Variants in GDF3 observed in about 807,000 individuals in gnomAD.
GDF3 encodes growth differentiation factor 3.
In GDF3, 10 loss-of-function variants were observed where a neutral mutation model predicts 10.2. That is an observed-to-expected ratio of 0.98 (90% CI 0.60 to 1.66). The LOEUF is 1.66. Ranked by LOEUF, GDF3 falls within the 40% of genes most tolerant of loss-of-function variation. GDF3 has a pLI of 0.00. For synonymous variants in GDF3, 166 were observed against 178.5 expected, an observed-to-expected ratio of 0.93 and a Z score of 0.56; for missense variants, 450 against 438.3, an observed-to-expected ratio of 1.03 and a Z score of -0.24.
intron 1 of GDF3, among the ~76,000 whole-genome samples, chr12:7,695,246 T>C (rs186522844): frequency 4.0e-4 from 61 of 152,314 alleles, no homozygotes; most frequent in Non-Finnish European, 7.5e-4. Flanking sequence ...TTGAATAGAT[T>C]ACAGGTTACC....
chr12:7,690,009 G>A lies in GDF3; in HGVS notation c.964C>T (p.Pro322Ser). ...FMQALMHAVDPEIPQAVCIPT... is the reference protein window; with the variant it reads ...FMQALMHAVDSEIPQAVCIPT... The stretch of plus-strand genomic sequence containing the variant: ...ATACACACAGCCTGGGGGATCTCTG[G>A]GTCAACGGCATGCATCAGGGCTTGC... Residue 322 changes from proline (P) to serine (S), a missense_variant, in exon 2 of 2, where the codon CCA becomes TCA. Pro to Ser is a moderately conservative substitution (Grantham distance 74). Coordinates refer to ENST00000329913, the MANE Select transcript of GDF3 (RefSeq NM_020634.3). 1 of 1,613,950 alleles carries A rather than the reference G, an allele frequency of 6.2e-7. No individual in the cohort carries two copies. Among genetic ancestry groups the A allele is most frequent in the Non-Finnish European group, 8.5e-7 (1 of 1,179,892 alleles).
At chr12:7,692,228 G>T (rs2136877167) in intron 1 of GDF3, among the ~76,000 whole-genome samples, 1 of 151,796 alleles carries the variant, frequency 6.6e-6, no homozygotes, top group Non-Finnish European at 1.5e-5. Flanking sequence ...GAGGTCAGGA[G>T]ACCAGACTGA....
chr12:7,690,481 A>C lies in GDF3; in HGVS notation c.492T>G (p.Gly164=). Residue 164 remains glycine, a synonymous_variant, in exon 2 of 2, where the codon GGT becomes GGG. Coordinates refer to ENST00000329913, the MANE Select transcript of GDF3 (RefSeq NM_020634.3). ...HVWGQTTPKP[G]KMFVLRSVPW... ...GGACTGACCGCAACACAAACATTTT[A>C]CCTGGCTTAGGGGTGGTCTGGCCCC... The C allele has an allele frequency of 1.2e-6, 2 of 1,614,118 alleles. No homozygotes were observed. Among genetic ancestry groups the C allele is most frequent in the Non-Finnish European group, 1.7e-6 (2 of 1,179,980 alleles).
chr12:7,693,609 C>T (rs574494798), intron 1 of GDF3, among the ~76,000 whole-genome samples: 9 of 151,634 alleles, frequency 5.9e-5, no homozygotes, highest in Non-Finnish European at 1.3e-4. Context: ...CACTCTTAAG[C>T]ACCCCACCAC....
chr12:7,693,068 C>T (rs1864148853), intron 1 of GDF3, among the ~76,000 whole-genome samples: 1 of 152,114 alleles, frequency 6.6e-6, no homozygotes, highest in African/African-American at 2.4e-5. Flanking sequence ...TTACCTATTC[C>T]TCTAGGAAAA....
chr12:7,690,809 GAAAGA>G, intron 1 of GDF3, 105 bp from the exon 2 acceptor site: 2 of 721,624 alleles, frequency 2.8e-6, no homozygotes, highest in South Asian at 3.3e-5. Flanking sequence ...TAAGGGCAGG[GAAAGA>G]CACAAGCCCT....
intron 1 of GDF3, among the ~76,000 whole-genome samples, chr12:7,691,735 T>C (rs190816823): frequency 0.029 from 4,336 of 149,472 alleles, 105 homozygotes; most frequent in Non-Finnish European, 0.044. Context: ...AAGCCAGGCG[T>C]GGTGGCTCAT....
rs368319454 is a variant in GDF3 at position 7,692,747 on chromosome 12, G to A, written c.269-2043C>T. Among the ~76,000 whole-genome samples the A allele has an allele frequency of 1.9e-3, 292 of 151,904 alleles. 3 individuals carry two copies. Among genetic ancestry groups the A allele is most frequent in the African/African-American group, 6.7e-3 (276 of 41,450 alleles). On this transcript the variant is annotated intron_variant, in intron 1 of 1. Transcript: ENST00000329913. ...TCAAACTCCTGACCTCAGGTGATCC[G>A]CCCACCTCGGCCTCCCAAAGTGTTG... is the stretch of plus-strand genomic sequence containing the variant.
chr12:7,694,608 T>C (rs1864163789), intron 1 of GDF3, among the ~76,000 whole-genome samples: 1 of 150,974 alleles, frequency 6.6e-6, no homozygotes, highest in Non-Finnish European at 1.5e-5. Flanking sequence ...CTTTATCTTG[T>C]ATTCTCAAGG....
In GDF3 at chr12:7,690,707, A is replaced by C; in HGVS notation, c.269-3T>G. On this transcript the variant is annotated splice_polypyrimidine_tract_variant and splice_region_variant and intron_variant, in intron 1 of 1. Coordinates refer to ENST00000329913, the MANE Select transcript of GDF3 (RefSeq NM_020634.3). ...TTTCTTTGGGTAAAGAAAGAAACCT[A>C]GATGGGAAAAGAGACATGTCAGAGT... is the stretch of plus-strand genomic sequence containing the variant. The C allele has an allele frequency of 6.6e-7, 1 of 1,516,342 alleles. No individual in the cohort carries two copies. The highest frequency in any genetic ancestry group is 2.3e-5 in the East Asian group (1 of 44,436). The allele number at this position is 1,516,342 out of a possible 1,614,324, so 93.9% of individuals were successfully genotyped here.
In GDF3 at chr12:7,695,454, T is replaced by C; in HGVS notation, c.268+7A>G. ...ATGTTTTTCTGGATAACACTCTATT[T>C]CCTTACCTTGGTCTGGGAGAAAGCG... On this transcript the variant is annotated splice_region_variant and intron_variant, in intron 1 of 1. Coordinates refer to ENST00000329913, the MANE Select transcript of GDF3 (RefSeq NM_020634.3). The C allele has an allele frequency of 6.2e-7, 1 of 1,613,696 alleles. No homozygotes were observed. Among genetic ancestry groups the C allele is most frequent in the Non-Finnish European group, 8.5e-7 (1 of 1,179,628 alleles).
chr12:7,691,782 C>T (rs182593041), intron 1 of GDF3, among the ~76,000 whole-genome samples: 2,793 of 140,832 alleles, frequency 0.02, 68 homozygotes, highest in African/African-American at 0.065. Context: ...CCGAGGCGGG[C>T]GGATCACGAG....
intron 1 of GDF3, among the ~76,000 whole-genome samples, chr12:7,692,195 A>G (rs1344991158): frequency 6.6e-6 from 1 of 151,994 alleles, no homozygotes; most frequent in Non-Finnish European, 1.5e-5. Flanking sequence ...GCACTTTGGG[A>G]GGCCAAGGCG....
intron 1 of GDF3, among the ~76,000 whole-genome samples, chr12:7,691,851 C>T (rs1424024491): frequency 6.6e-6 from 1 of 150,696 alleles, no homozygotes; most frequent in Non-Finnish European, 1.5e-5. Context: ...ACTAAAAATA[C>T]AAAAAATTAG....
Position 7,695,428 on chromosome 12 carries a change from G to C in GDF3, c.268+33C>G, listed in dbSNP as rs200665945. The C allele has an allele frequency of 2.7e-5, 44 of 1,602,028 alleles. No individual in the cohort carries two copies. The Middle Eastern group carries it at 8.3e-4, about 30-fold the overall frequency. The stretch of plus-strand genomic sequence containing the variant: ...CCTTTCTTCACACCACCCAGTTCCA[G>C]ATGTTTTTCTGGATAACACTCTATT... On this transcript the variant is annotated intron_variant, in intron 1 of 1. Transcript: ENST00000329913.
chr12:7,691,864 G>A (rs905266617), intron 1 of GDF3, among the ~76,000 whole-genome samples: 7 of 151,534 alleles, frequency 4.6e-5, no homozygotes, highest in Non-Finnish European at 7.4e-5. Context: ...AAAATTAGCC[G>A]GGCAAGGTGG....
At chr12:7,693,541 TAAG>T (rs1461684156) in intron 1 of GDF3, among the ~76,000 whole-genome samples, 3 of 150,530 alleles carry the variant, frequency 2.0e-5, no homozygotes, top group Admixed American at 6.7e-5. Context: ...CGCCCAGCCT[TAAG>T]TAGGTATTTT....
Position 7,690,679 on chromosome 12 carries a change from A to C in GDF3, c.294T>G (p.Ile98Met), listed in dbSNP as rs772208133. 4 of 1,612,412 alleles carry C rather than the reference A, an allele frequency of 2.5e-6. No homozygotes were observed. In the Admixed American group the frequency reaches 6.7e-5, roughly 27 times the overall value. ...DQGFFLYPKK[I>M]SQASSCLQKL... ...TCTGCAGGCAGGAGGAAGCTTGGGA[A>C]ATTTTCTTTGGGTAAAGAAAGAAAC... Residue 98 changes from isoleucine (I) to methionine (M), a missense_variant, in exon 2 of 2, where the codon ATT becomes ATG. By Grantham distance (10) the Ile-to-Met change is conservative. Coordinates refer to ENST00000329913, the MANE Select transcript of GDF3 (RefSeq NM_020634.3).
At position 7,693,075 on chromosome 12, in the gene GDF3, A is replaced by C. The variant is rs113126440; in HGVS notation, c.269-2371T>G. Among the ~76,000 whole-genome samples the C allele has an allele frequency of 4.6e-5, 7 of 152,276 alleles. 1 individual carries two copies. The highest frequency in any genetic ancestry group is 1.7e-4 in the African/African-American group (7 of 41,552). On this transcript the variant is annotated intron_variant, in intron 1 of 1. Coordinates refer to ENST00000329913, the MANE Select transcript of GDF3 (RefSeq NM_020634.3). ...TTCAAATTTTACCTATTCCTCTAGG[A>C]AAAGGCCCAATACAGTCTACTTTTA... is the stretch of plus-strand genomic sequence containing the variant.
Sources: allele counts gnomAD v4.1 joint callset (sites outside exome capture counted in the v4.1 genomes callset), GRCh38; gene constraint gnomAD v4.1.1; transcripts MANE v1.5; gene names NCBI Gene and HGNC (gene_info 2026-07-23, HGNC 2026-07-21).